The following BLK variants were observed in gnomAD, a reference collection of about 807,000 sequenced individuals.
BLK encodes tyrosine-protein kinase Blk.
Under a neutral mutation model 61.8 loss-of-function variants are expected in BLK, and 64 were observed. The observed-to-expected ratio is 1.03, with a 90% CI of 0.85 to 1.27. The LOEUF is 1.27. Ranked by LOEUF, BLK falls within the 50% of genes most tolerant of loss-of-function variation. The pLI is 0.00. For synonymous variants in BLK, 351 were observed against 272.0 expected, an observed-to-expected ratio of 1.29 and a Z score of -2.86; for missense variants, 853 against 660.5, an observed-to-expected ratio of 1.29 and a Z score of -3.19.
intron 1 of BLK, among the ~76,000 whole-genome samples, chr8:11,512,068 A>T (rs1459801136): frequency 6.6e-6 from 1 of 152,258 alleles, no homozygotes; most frequent in Non-Finnish European, 1.5e-5. Context: ...CTGAAAATAC[A>T]AAGATAAACA....
chr8:11,502,956 G>A lies in BLK; in HGVS notation c.-2+8365G>A, dbSNP rs929265643. Among the ~76,000 whole-genome samples the A allele has an allele frequency of 5.9e-5, 9 of 152,178 alleles. 1 individual carries two copies. Among genetic ancestry groups the A allele is most frequent in the Non-Finnish European group, 1.3e-4 (9 of 68,030 alleles). ...ACCAGCTGCTGCCAGCCACTGTGGG[G>A]TTCGCAAGTCCCCACTCGCAAAACG... On this transcript the variant is annotated intron_variant, in intron 1 of 12. Transcript: ENST00000259089.
At chr8:11,535,258 AAAGAAGAAAGAAAG>A (rs1424717270) in intron 1 of BLK, among the ~76,000 whole-genome samples, 44 of 141,354 alleles carry the variant, frequency 3.1e-4, no homozygotes, top group Non-Finnish European at 2.0e-4. Flanking sequence ...GGAAAGAAAG[AAAGAAGAAAGAAAG>A]AAAGAAAGAA....
chr8:11,512,480 G>T (rs6993775), intron 1 of BLK, among the ~76,000 whole-genome samples: 117,927 of 152,166 alleles, frequency 0.77, 46,106 homozygotes, highest in Admixed American at 0.86. Context: ...AGGTTCAATT[G>T]GGTCTCAACA....
Position 11,564,340 on chromosome 8 carries a change from AC to A in BLK, c.*233del. On this transcript the variant is annotated 3_prime_UTR_variant, in exon 13 of 13. Transcript: ENST00000259089. ...GCCGCTTCATTTGTAGAGGGCTGTAACAGTGACCTCGCACGGTCATCCGGAG... is the reference window on the plus strand; with the variant it reads ...GCCGCTTCATTTGTAGAGGGCTGTAAAGTGACCTCGCACGGTCATCCGGAG... 5.7e-6 allele frequency: 4 copies of A among 701,542 alleles called. No homozygotes were observed. The highest frequency in any genetic ancestry group is 7.8e-6 in the Non-Finnish European group (3 of 386,004). The allele number at this position is 701,542 out of a possible 1,614,324, so 43.5% of individuals were successfully genotyped here. A position where few individuals can be genotyped will look rare whatever the true frequency, so the allele number is the denominator to read the frequency against.
chr8:11,556,327 T>A (rs538315006), intron 8 of BLK: 96 of 388,338 alleles, frequency 2.5e-4, no homozygotes, highest in African/African-American at 1.9e-3. Flanking sequence ...CAAGGAGTTA[T>A]TGTGTGATAG....
rs759403037 is a variant in BLK at position 11,564,019 on chromosome 8, C to A, written c.1429C>A (p.Pro477Thr). 1.4e-5 allele frequency: 22 copies of A among 1,604,732 alleles called. No homozygotes were observed. Among genetic ancestry groups the A allele is most frequent in the Middle Eastern group, 1.6e-4 (1 of 6,074 alleles). The change falls in exon 13 of 13, where the codon CCC (proline) becomes ACC (threonine). Residue 477 changes from proline (P) to threonine (T), a missense_variant. By Grantham distance (38) the Pro-to-Thr change is conservative (BLOSUM62 -1). Transcript: ENST00000259089. ...CATCGCCGAGTGCTGGCGCAGCCGG[C>A]CCGAGGAGCGGCCCACCTTCGAGTT... Reference protein sequence around the residue: ...GVIAECWRSRPEERPTFEFLQ... With the variant: ...GVIAECWRSRTEERPTFEFLQ...
intron 1 of BLK, among the ~76,000 whole-genome samples, chr8:11,532,191 ATATTTATT>A (rs542197840): frequency 3.7e-5 from 5 of 134,676 alleles, no homozygotes; most frequent in African/African-American, 1.4e-4. Flanking sequence ...AAAAATTTTA[ATATTTATT>A]TATTTATTTA....
At chr8:11,518,603 G>A (rs923160805) in intron 1 of BLK, among the ~76,000 whole-genome samples, 3 of 152,066 alleles carry the variant, frequency 2.0e-5, no homozygotes, top group African/African-American at 7.2e-5. Flanking sequence ...ATCTCCTGCG[G>A]TGGCCTCCCA....
intron 1 of BLK, among the ~76,000 whole-genome samples, chr8:11,524,918 C>CAAAA (rs34067077): frequency 0.016 from 2,099 of 128,006 alleles, 41 homozygotes; most frequent in African/African-American, 0.057. Context: ...TGCTTTTTTA[C>CAAAA]AAAAAAAAAA....
chr8:11,534,325 C>T (rs933846679), intron 1 of BLK, among the ~76,000 whole-genome samples: 4 of 152,326 alleles, frequency 2.6e-5, no homozygotes, highest in African/African-American at 9.6e-5. Flanking sequence ...GTTGGATTAA[C>T]ATTTTGGCAT....
chr8:11,537,712 T>C (rs1800190112), intron 1 of BLK, among the ~76,000 whole-genome samples: 2 of 152,174 alleles, frequency 1.3e-5, no homozygotes, highest in Admixed American at 1.3e-4. Flanking sequence ...CTGTAACCAA[T>C]TTATCAAGGC....
chr8:11,494,952 G>C (rs1431922253), intron 1 of BLK, among the ~76,000 whole-genome samples: 3 of 152,246 alleles, frequency 2.0e-5, no homozygotes, highest in Non-Finnish European at 2.9e-5. Flanking sequence ...CTTGATAGGA[G>C]GTGATATTGA....
At chr8:11,558,797 T>C (rs1324707252) in intron 10 of BLK, 2 of 455,940 alleles carry the variant, frequency 4.4e-6, no homozygotes, top group Non-Finnish European at 8.8e-6. Context: ...GTGGTCAGCC[T>C]GTGAGGCACA....
chr8:11,533,240 C>CTTTTCT (rs932857308), intron 1 of BLK, among the ~76,000 whole-genome samples: 1 of 152,182 alleles, frequency 6.6e-6, no homozygotes, highest in African/African-American at 2.4e-5. Context: ...GAGACCTTTT[C>CTTTTCT]TTTTCTTTTT....
At chr8:11,533,122 C>T (rs1263900671) in intron 1 of BLK, among the ~76,000 whole-genome samples, 2 of 152,096 alleles carry the variant, frequency 1.3e-5, no homozygotes, top group African/African-American at 4.8e-5. Flanking sequence ...ATAGGCAAAT[C>T]CTGCAACCGT....
At chr8:11,496,387 G>T (rs541560946) in intron 1 of BLK, among the ~76,000 whole-genome samples, 3 of 152,112 alleles carry the variant, frequency 2.0e-5, no homozygotes, top group African/African-American at 4.8e-5. Flanking sequence ...CCACAGGTAC[G>T]CCACTGTATC....
intron 1 of BLK, among the ~76,000 whole-genome samples, chr8:11,535,289 A>C (rs1329857997): frequency 2.1e-5 from 3 of 144,842 alleles, no homozygotes; most frequent in Non-Finnish European, 4.6e-5. Flanking sequence ...AGAAAGAAAG[A>C]AAGAAAGAAA....
intron 1 of BLK, among the ~76,000 whole-genome samples, chr8:11,541,571 CACT>C (rs1298134436): frequency 5.3e-5 from 8 of 151,536 alleles, no homozygotes; most frequent in Non-Finnish European, 1.0e-4. Context: ...GATCTTGGCT[CACT>C]ACAACCTCCG....
At chr8:11,556,534 C>T (rs1385969952) in intron 8 of BLK, 124 bp from the exon 9 acceptor site, 17 of 1,188,674 alleles carry the variant, frequency 1.4e-5, no homozygotes, top group Non-Finnish European at 2.0e-5. Context: ...TCCGGAACTG[C>T]ATGTTCCAGC....
Sources: allele counts gnomAD v4.1 joint callset (sites outside exome capture counted in the v4.1 genomes callset), GRCh38; gene constraint gnomAD v4.1.1; transcripts MANE v1.5; gene names NCBI Gene and HGNC (gene_info 2026-07-23, HGNC 2026-07-21).